SEMA3D: variants seen among roughly 807,000 people sequenced by gnomAD.
The protein encoded by SEMA3D is semaphorin-3D.
Under a neutral mutation model 100.1 loss-of-function variants are expected in SEMA3D, and 84 were observed. The ratio of observed to expected loss-of-function variants is 0.84; its 90% CI spans 0.70 to 1.01. The LOEUF (loss-of-function observed/expected upper bound fraction) is 1.01. Ranked by LOEUF, SEMA3D falls within the 50% of genes least tolerant of loss-of-function variation. The pLI, the probability that SEMA3D is intolerant of heterozygous loss-of-function variation, is 0.00. For synonymous variants in SEMA3D, 312 were observed against 320.7 expected (o/e 0.97, Z 0.29); for missense variants, 875 against 934.1 (o/e 0.94, Z 0.82).
chr7:85,067,575 GT>G (rs1360177736), intron 7 of SEMA3D, among the ~76,000 whole-genome samples: 2 of 152,110 alleles, frequency 1.3e-5, no homozygotes, highest in Non-Finnish European at 2.9e-5. Context: ...CCTTATAATG[GT>G]TGAAATTCAG....
At chr7:85,027,775 T>G in intron 12 of SEMA3D, 1 of 412,354 alleles carries the variant, frequency 2.4e-6, no homozygotes. Context: ...CAGCAGCTTT[T>G]GGGGTTCTGT....
At chr7:85,217,296 A>C in the SEMA3D span, among the ~76,000 whole-genome samples, 1 of 152,048 alleles carries the variant, frequency 6.6e-6, no homozygotes, top group Non-Finnish European at 1.5e-5. Context: ...TCCAAGCCAG[A>C]CTAATATATT....
chr7:85,144,370 T>C (rs1246661025), intron 2 of SEMA3D: 2 of 629,886 alleles, frequency 3.2e-6, no homozygotes, highest in Non-Finnish European at 4.0e-6. Context: ...ATTAATTAAA[T>C]TAAATAACAT....
chr7:85,005,434 A>G (rs1789768644), intron 18 of SEMA3D, among the ~76,000 whole-genome samples: 2 of 152,048 alleles, frequency 1.3e-5, no homozygotes, highest in African/African-American at 4.8e-5. Context: ...ATGATGACGA[A>G]TCTAGTTTTA....
At chr7:85,042,125 T>C in intron 10 of SEMA3D, 46 bp downstream of exon 10, 2 of 1,256,120 alleles carry the variant, frequency 1.6e-6, no homozygotes, top group Non-Finnish European at 1.2e-6. Flanking sequence ...AGTTACTTAA[T>C]TAGGCAGTAA....
intron 2 of SEMA3D, among the ~76,000 whole-genome samples, chr7:85,126,680 T>C (rs879627822): frequency 1.3e-5 from 2 of 152,024 alleles, no homozygotes; most frequent in Non-Finnish European, 2.9e-5. Flanking sequence ...AGGGTGCACA[T>C]GACTGATCAA....
chr7:85,231,991 G>A, the SEMA3D span, among the ~76,000 whole-genome samples: 6 of 152,214 alleles, frequency 3.9e-5, no homozygotes, highest in East Asian at 1.9e-4. Context: ...AAAAATTGTC[G>A]AATTCCAGTG....
chr7:85,029,184 G>A (rs776586344), intron 12 of SEMA3D: 34 of 676,188 alleles, frequency 5.0e-5, no homozygotes, highest in South Asian at 1.2e-4. Flanking sequence ...GCTCACAGGC[G>A]TACCTCCTGC....
At chr7:85,225,783 C>T in the SEMA3D span, among the ~76,000 whole-genome samples, 1 of 152,058 alleles carries the variant, frequency 6.6e-6, no homozygotes, top group Non-Finnish European at 1.5e-5. Flanking sequence ...GAGGTATGAG[C>T]AGTGGGGTAC....
At chr7:85,097,061 T>C (rs1788581284) in intron 4 of SEMA3D, among the ~76,000 whole-genome samples, 1 of 151,844 alleles carries the variant, frequency 6.6e-6, no homozygotes, top group African/African-American at 2.4e-5. Flanking sequence ...ACTCGATCTC[T>C]GCCAGTCTTA....
At chr7:85,073,559 A>C (rs1408409638) in intron 5 of SEMA3D, among the ~76,000 whole-genome samples, 1 of 152,080 alleles carries the variant, frequency 6.6e-6, no homozygotes, top group Non-Finnish European at 1.5e-5. Flanking sequence ...TGGTATCCTT[A>C]CTTTCTACAA....
chr7:85,206,682 C>G, the SEMA3D span, among the ~76,000 whole-genome samples: 1 of 152,068 alleles, frequency 6.6e-6, no homozygotes, highest in East Asian at 1.9e-4. Flanking sequence ...TTAAAATGCT[C>G]AATTTGGAGA....
chr7:85,221,153 C>T, the SEMA3D span, among the ~76,000 whole-genome samples: 1 of 152,002 alleles, frequency 6.6e-6, no homozygotes, highest in Non-Finnish European at 1.5e-5. Flanking sequence ...CATGTGTAAA[C>T]TATCCATTGT....
chr7:85,235,795 T>C, the SEMA3D span, among the ~76,000 whole-genome samples: 1 of 152,144 alleles, frequency 6.6e-6, no homozygotes, highest in South Asian at 2.1e-4. Flanking sequence ...GTTTTCTCCA[T>C]AAGTAGGAAG....
At chr7:85,163,945 T>G (rs1405011736) in intron 1 of SEMA3D, among the ~76,000 whole-genome samples, 2 of 152,202 alleles carry the variant, frequency 1.3e-5, no homozygotes, top group African/African-American at 4.8e-5. Flanking sequence ...TTATAAATTT[T>G]TATTTTGTAA....
At chr7:85,042,071 G>T in intron 10 of SEMA3D, 100 bp downstream of exon 10, 1 of 861,620 alleles carries the variant, frequency 1.2e-6, no homozygotes, top group Non-Finnish European at 1.9e-6. Context: ...GTTTGCTCAG[G>T]TAAAATTAAT....
At chr7:85,175,777 A>G (rs1225729835) in intron 1 of SEMA3D, among the ~76,000 whole-genome samples, 2 of 152,066 alleles carry the variant, frequency 1.3e-5, no homozygotes, top group African/African-American at 4.8e-5. Context: ...GAAACATATA[A>G]CAATGAATTC....
the SEMA3D span, among the ~76,000 whole-genome samples, chr7:85,226,245 GT>G: frequency 6.6e-6 from 1 of 151,920 alleles, no homozygotes. Context: ...TTTTGCTAGT[GT>G]GCTCATGAGT....
At chr7:85,095,043 T>C (rs1358877222) in intron 4 of SEMA3D, among the ~76,000 whole-genome samples, 1 of 152,034 alleles carries the variant, frequency 6.6e-6, no homozygotes, top group Admixed American at 6.6e-5. Flanking sequence ...ATTTTTATTT[T>C]CTAGATAGTG....
Sources: allele counts gnomAD v4.1 joint callset (sites outside exome capture counted in the v4.1 genomes callset), GRCh38; gene constraint gnomAD v4.1.1; transcripts MANE v1.5; gene names NCBI Gene and HGNC (gene_info 2026-07-23, HGNC 2026-07-21).